CCDC13: variants seen among roughly 807,000 people sequenced by gnomAD.
CCDC13 encodes coiled-coil domain containing 13, also known as coiled-coil domain-containing protein 13.
A neutral mutation model predicts 87.3 loss-of-function variants in CCDC13; 70 were observed. The ratio of observed to expected loss-of-function variants is 0.80; its 90% CI spans 0.66 to 0.98. The LOEUF (loss-of-function observed/expected upper bound fraction) is 0.98. Ranked by LOEUF, CCDC13 falls within the 50% of genes least tolerant of loss-of-function variation. CCDC13 has a pLI of 0.00. For synonymous variants in CCDC13, 317 were observed against 360.3 expected, an observed-to-expected ratio of 0.88 and a Z score of 1.36; for missense variants, 842 against 892.0, an observed-to-expected ratio of 0.94 and a Z score of 0.71.
At chr3:42,730,125 G>A (rs1391443549) in intron 13 of CCDC13, among the ~76,000 whole-genome samples, 3 of 152,120 alleles carry the variant, frequency 2.0e-5, no homozygotes, top group Non-Finnish European at 2.9e-5. Flanking sequence ...CCCTCCAGCA[G>A]CACCAAGCAC....
At chr3:42,759,014 AT>A (rs1390086377) in intron 1 of CCDC13, among the ~76,000 whole-genome samples, 1 of 152,236 alleles carries the variant, frequency 6.6e-6, no homozygotes, top group Non-Finnish European at 1.5e-5. Context: ...TCAAAGAATA[AT>A]TTATGTACAA....
chr3:42,735,555 G>A, intron 10 of CCDC13, 152 bp downstream of exon 10: 1 of 741,464 alleles, frequency 1.3e-6, no homozygotes, highest in Non-Finnish European at 2.3e-6. Context: ...TGTGCAGAAT[G>A]GGTTGGGGAG....
chr3:42,739,322 G>A (rs1259488303), intron 9 of CCDC13, among the ~76,000 whole-genome samples: 1 of 152,192 alleles, frequency 6.6e-6, no homozygotes, highest in Non-Finnish European at 1.5e-5. Context: ...ATTCCTTGCT[G>A]AAAAATAACC....
intron 10 of CCDC13, among the ~76,000 whole-genome samples, chr3:42,735,465 T>A (rs1249595195): frequency 1.3e-5 from 2 of 152,246 alleles, no homozygotes; most frequent in East Asian, 3.9e-4. Context: ...GGTGCCTGGG[T>A]CCTTGAGAAC....
At chr3:42,757,970 T>A (rs1015516072) in intron 2 of CCDC13, among the ~76,000 whole-genome samples, 155 bp downstream of exon 2, 1 of 152,072 alleles carries the variant, frequency 6.6e-6, no homozygotes, top group Non-Finnish European at 1.5e-5. Flanking sequence ...AGAAGCTGTA[T>A]CAAAACTTGT....
chr3:42,715,258 G>A (rs997983513), intron 13 of CCDC13, among the ~76,000 whole-genome samples: 2 of 151,694 alleles, frequency 1.3e-5, no homozygotes, highest in African/African-American at 4.8e-5. Flanking sequence ...ACAGTGAGCT[G>A]AGATTGTGCC....
chr3:42,750,134 T>C (rs1196328864), intron 5 of CCDC13, among the ~76,000 whole-genome samples: 2 of 152,172 alleles, frequency 1.3e-5, no homozygotes, highest in East Asian at 3.9e-4. Flanking sequence ...CAGCTGCCAT[T>C]CAAGGGCTCC....
chr3:42,772,113 A>T (rs901115797), intron 1 of CCDC13, among the ~76,000 whole-genome samples: 11 of 151,656 alleles, frequency 7.3e-5, no homozygotes, highest in Non-Finnish European at 1.3e-4. Flanking sequence ...CTCTACTAAA[A>T]ATACCAAAAT....
At chr3:42,758,062 TACACACACACACACAC>T (rs3076826) in intron 2 of CCDC13, 47 bp downstream of exon 2, 62 of 997,626 alleles carry the variant, frequency 6.2e-5, no homozygotes, top group South Asian at 8.6e-5. Flanking sequence ...GCTCCGGTGG[TACACACACACACACAC>T]ACACACACAC....
downstream of CCDC13, chr3:42,704,863 G>C (rs932961958): frequency 6.6e-6 from 1 of 152,256 alleles, no homozygotes; most frequent in African/African-American, 2.4e-5. Context: ...GATATGGTGG[G>C]GAGTGGGGAC....
At chr3:42,718,071 T>C (rs978611006) in intron 13 of CCDC13, 33 of 152,226 alleles carry the variant, frequency 2.2e-4, no homozygotes, top group African/African-American at 7.7e-4. Context: ...AGCAACTCCA[T>C]CTTAAATAGG....
chr3:42,737,246 T>C (rs1279247799), intron 9 of CCDC13, among the ~76,000 whole-genome samples: 1 of 152,230 alleles, frequency 6.6e-6, no homozygotes, highest in African/African-American at 2.4e-5. Flanking sequence ...CATGAACTCA[T>C]CCTTTTTTAT....
At chr3:42,722,194 T>C (rs1698580230) in intron 13 of CCDC13, among the ~76,000 whole-genome samples, 1 of 152,196 alleles carries the variant, frequency 6.6e-6, no homozygotes, top group Non-Finnish European at 1.5e-5. Context: ...GCCCTCACCA[T>C]ACTGATGCTT....
At chr3:42,749,132 G>C (rs772090974) in intron 5 of CCDC13, among the ~76,000 whole-genome samples, 1 of 152,088 alleles carries the variant, frequency 6.6e-6, no homozygotes, top group Non-Finnish European at 1.5e-5. Flanking sequence ...TGCATACTCT[G>C]TTGGGTGCCT....
chr3:42,747,072 C>T, intron 6 of CCDC13, 185 bp downstream of exon 6: 1 of 719,592 alleles, frequency 1.4e-6, no homozygotes, highest in Non-Finnish European at 2.5e-6. Flanking sequence ...ACTCTGCCCA[C>T]CAAATGGTTA....
chr3:42,705,147 A>G (rs1698147066), downstream of CCDC13, among the ~76,000 whole-genome samples: 1 of 152,172 alleles, frequency 6.6e-6, no homozygotes, highest in Non-Finnish European at 1.5e-5. Context: ...GCTCACAGAT[A>G]TAGGAGAGTC....
chr3:42,735,230 T>C (rs1698968906), intron 10 of CCDC13, among the ~76,000 whole-genome samples: 1 of 151,262 alleles, frequency 6.6e-6, no homozygotes, highest in East Asian at 1.9e-4. Context: ...AGCCCTGGAG[T>C]GCGGAGCAAG....
At chr3:42,719,170 G>T (rs1698500175) in intron 13 of CCDC13, 2 of 152,176 alleles carry the variant, frequency 1.3e-5, no homozygotes. Flanking sequence ...ATGGCTGTGG[G>T]TGACAAGATT....
chr3:42,717,813 G>A (rs904857853), intron 13 of CCDC13, among the ~76,000 whole-genome samples: 1 of 152,204 alleles, frequency 6.6e-6, no homozygotes, highest in Non-Finnish European at 1.5e-5. Flanking sequence ...AGCTCACTCA[G>A]GTTGTTAGCA....
Sources: gnomAD v4.1 joint callset for allele counts (sites outside exome capture counted in the v4.1 genomes callset) on GRCh38, gnomAD v4.1.1 for gene constraint, MANE v1.5 for transcripts, NCBI Gene and HGNC (gene_info 2026-07-23, HGNC 2026-07-21) for gene names.